The following TMEM26 variants were observed in gnomAD, a reference collection of about 807,000 sequenced individuals.
TMEM26 encodes the protein transmembrane protein 26.
Under a neutral mutation model 28.8 loss-of-function variants are expected in TMEM26, and 38 were observed. That is an observed-to-expected ratio of 1.32 (90% confidence interval 1.02 to 1.73). TMEM26 has a LOEUF of 1.73. TMEM26 is among the 40% of genes most tolerant of loss of function. The pLI, the probability that TMEM26 is intolerant of heterozygous loss-of-function variation, is 0.00. For synonymous variants in TMEM26, 227 were observed against 182.9 expected (o/e 1.24, Z -1.95); for missense variants, 518 against 447.1 (o/e 1.16, Z -1.43).
At chr10:61,449,198 G>T (rs970561152) in intron 1 of TMEM26, among the ~76,000 whole-genome samples, 6 of 152,026 alleles carry the variant, frequency 3.9e-5, no homozygotes, top group Non-Finnish European at 5.9e-5. Flanking sequence ...TTAGCTTAAC[G>T]GGGGACATGT....
intron 3 of TMEM26, 120 bp from the exon 4 acceptor site, chr10:61,429,266 T>G (rs1429014273): frequency 2.2e-5 from 17 of 766,342 alleles, no homozygotes; most frequent in Non-Finnish European, 3.5e-5. Flanking sequence ...TCAGGAGTTA[T>G]TCTTTACTTA....
At chr10:61,424,055 C>G (rs1402342543) in intron 4 of TMEM26, among the ~76,000 whole-genome samples, 1 of 152,142 alleles carries the variant, frequency 6.6e-6, no homozygotes, top group Non-Finnish European at 1.5e-5. Flanking sequence ...TCTACTCTTA[C>G]TACTTCTATT....
chr10:61,451,664 G>T (rs560327456), intron 1 of TMEM26, among the ~76,000 whole-genome samples: 1 of 152,152 alleles, frequency 6.6e-6, no homozygotes, highest in African/African-American at 2.4e-5. Context: ...TGGGGGTGGG[G>T]AGGTGGAGCC....
intron 3 of TMEM26, among the ~76,000 whole-genome samples, chr10:61,430,633 T>A (rs766296048): frequency 2.0e-5 from 3 of 150,582 alleles, no homozygotes. Context: ...GGATAAAAGG[T>A]TGATATACAA....
intron 1 of TMEM26, among the ~76,000 whole-genome samples, chr10:61,440,777 A>G (rs1345816926): frequency 6.6e-6 from 1 of 152,188 alleles, no homozygotes; most frequent in African/African-American, 2.4e-5. Context: ...GTTGACTCCA[A>G]GCAATTCTAA....
Position 61,428,957 on chromosome 10 carries a change from T to G in TMEM26, c.574A>C (p.Thr192Pro), listed in dbSNP as rs916087404. Residue 192 changes from threonine to proline, a missense_variant, in exon 4 of 6, where the codon ACA becomes CCA. Transcript: ENST00000399298. ...VGTAADILEFTSETLEEQNVR... is the reference protein window; with the variant it reads ...VGTAADILEFPSETLEEQNVR... ...TTTTGTTCTTCTAGGGTCTCACTTG[T>G]GAATTCCAGTATGTCAGCCGCTGTC... The G allele has an allele frequency of 1.9e-6, 3 of 1,613,028 alleles. No homozygotes were observed. The African/African-American group carries it at 4.0e-5, about 22-fold the overall frequency.
At chr10:61,432,608 C>A (rs975014022) in intron 2 of TMEM26, among the ~76,000 whole-genome samples, 2 of 152,026 alleles carry the variant, frequency 1.3e-5, no homozygotes, top group South Asian at 4.1e-4. Flanking sequence ...ACTACAACCA[C>A]CACACATCCA....
At position 61,452,507 on chromosome 10, in the gene TMEM26, C is replaced by G. The variant is rs569287141; in HGVS notation, c.191+384G>C. ...ACATGTGCACGCACGCAGAGTAACC[C>G]GCGCACACTCACACACCCCAGTTTC... On this transcript the variant is annotated intron_variant, in intron 1 of 5. Transcript: ENST00000399298. 1.7e-4 allele frequency: 33 copies of G among 192,014 alleles called. No homozygotes were observed. In the South Asian group the frequency reaches 3.5e-3, roughly 20 times the overall value. The allele number at this position is 192,014 out of a possible 1,614,324, so 11.9% of individuals were successfully genotyped here. A position where few individuals can be genotyped will look rare whatever the true frequency, so the allele number is the denominator to read the frequency against.
At chr10:61,443,919 A>C (rs997589007) in intron 1 of TMEM26, among the ~76,000 whole-genome samples, 4 of 152,244 alleles carry the variant, frequency 2.6e-5, no homozygotes, top group Non-Finnish European at 4.4e-5. Context: ...GAGGATCTAC[A>C]TACTATCTTT....
At chr10:61,428,822 T>C (rs1315528973) in intron 4 of TMEM26, 104 bp downstream of exon 4, 20 of 955,918 alleles carry the variant, frequency 2.1e-5, no homozygotes, top group Non-Finnish European at 3.0e-5. Flanking sequence ...ATATAAAATA[T>C]ACTAAAAATT....
chr10:61,430,664 T>C (rs1354314847), intron 3 of TMEM26, among the ~76,000 whole-genome samples: 2 of 151,600 alleles, frequency 1.3e-5, no homozygotes, highest in African/African-American at 2.4e-5. Flanking sequence ...CTTTCCTATA[T>C]ACTAGCAAAG....
chr10:61,431,190 C>T lies in TMEM26; in HGVS notation c.384+29G>A, dbSNP rs750236029. On this transcript the variant is annotated intron_variant, in intron 3 of 5. Transcript: ENST00000399298. ...ATACCAAGTCCACCATTTTCTAGAT[C>T]CTTTAATAAACAGTGGAAAAGCTCT... 2 of 1,562,320 alleles carry T rather than the reference C, an allele frequency of 1.3e-6. 1 individual carries two copies. The highest frequency in any genetic ancestry group is 2.2e-5 in the South Asian group (2 of 89,804).
chr10:61,437,641 C>T (rs1006361759), intron 1 of TMEM26, among the ~76,000 whole-genome samples: 3 of 151,910 alleles, frequency 2.0e-5, no homozygotes, highest in African/African-American at 7.3e-5. Context: ...AAAAATTAAC[C>T]AGGCAGAGTG....
chr10:61,437,745 C>CT (rs1840031859), intron 1 of TMEM26, among the ~76,000 whole-genome samples: 1 of 152,128 alleles, frequency 6.6e-6, no homozygotes, highest in Admixed American at 6.5e-5. Flanking sequence ...AGATCAGCTA[C>CT]TACACTCCAG....
At chr10:61,446,042 C>A (rs1040309184) in intron 1 of TMEM26, among the ~76,000 whole-genome samples, 1 of 152,128 alleles carries the variant, frequency 6.6e-6, no homozygotes, top group African/African-American at 2.4e-5. Flanking sequence ...ATTTTCAGTT[C>A]TAAATGTCTC....
At chr10:61,413,876 C>G in intron 4 of TMEM26, 2 of 996,006 alleles carry the variant, frequency 2.0e-6, no homozygotes, top group Non-Finnish European at 2.4e-6. Context: ...ATTCAAATGG[C>G]TGATTTCAAG....
In TMEM26 at chr10:61,409,320, T is replaced by TG. The variant is rs1445536507; in HGVS notation, c.*1001dup. The TG allele has an allele frequency of 1.3e-5, 2 of 152,100 alleles. No homozygotes were observed. Among genetic ancestry groups the TG allele is most frequent in the Admixed American group, 1.3e-4 (2 of 15,274 alleles). 9.4% of individuals were successfully genotyped at this position (152,100 alleles called of 1,614,324 possible). ...CTCAACAAGGGCTGTTGGCCATGGGTGGAGCTGATGCAACCCTCCATCACC... is the reference window on the plus strand; with the variant it reads ...CTCAACAAGGGCTGTTGGCCATGGGTGGGAGCTGATGCAACCCTCCATCACC... On this transcript the variant is annotated 3_prime_UTR_variant, in exon 6 of 6. Coordinates refer to ENST00000399298, the MANE Select transcript of TMEM26 (RefSeq NM_178505.8).
intron 3 of TMEM26, among the ~76,000 whole-genome samples, chr10:61,429,598 CTCTT>C (rs1389944362): frequency 3.3e-5 from 5 of 151,946 alleles, no homozygotes; most frequent in Admixed American, 3.3e-4. Flanking sequence ...TACAAATCTT[CTCTT>C]TGTTTTTTTG....
At chr10:61,436,125 G>C (rs762997336) in intron 2 of TMEM26, 45 bp downstream of exon 2, 8 of 1,232,412 alleles carry the variant, frequency 6.5e-6, no homozygotes, top group Non-Finnish European at 9.4e-6. Context: ...TGTGAAAGTA[G>C]CTTATTGCTG....
Sources: allele counts gnomAD v4.1 joint callset (sites outside exome capture counted in the v4.1 genomes callset), GRCh38; gene constraint gnomAD v4.1.1; transcripts MANE v1.5; gene names NCBI Gene and HGNC (gene_info 2026-07-23, HGNC 2026-07-21).